The following FAM3C variants were observed in gnomAD, a reference collection of about 807,000 sequenced individuals.
FAM3C encodes FAM3 metabolism regulating signaling molecule C.
A neutral mutation model predicts 32.5 loss-of-function variants in FAM3C; 15 were observed. The observed-to-expected ratio is 0.46, with a 90% CI of 0.31 to 0.71. The LOEUF (loss-of-function observed/expected upper bound fraction) is 0.71, where lower values mean the gene tolerates loss of function less well. Among genes scored for constraint, FAM3C ranks in the 30% least tolerant of loss-of-function variants. FAM3C has a pLI of 0.05. For missense variants in FAM3C, 175 were observed against 274.4 expected (o/e 0.64, Z 2.56); for synonymous variants, 75 against 86.1 (o/e 0.87, Z 0.72).
chr7:121,364,246 G>T, intron 5 of FAM3C, 58 bp from the exon 6 acceptor site: 1 of 1,129,740 alleles, frequency 8.9e-7, no homozygotes, highest in South Asian at 1.3e-5. Flanking sequence ...TAACATATCA[G>T]AAAAATAAAG....
chr7:121,370,097 G>A (rs1584697906), intron 5 of FAM3C, among the ~76,000 whole-genome samples: 1 of 151,912 alleles, frequency 6.6e-6, no homozygotes, highest in East Asian at 1.9e-4. Flanking sequence ...AAGATAAAGA[G>A]TGGAAATGAG....
intron 3 of FAM3C, among the ~76,000 whole-genome samples, chr7:121,378,513 A>G (rs1231092641): frequency 6.6e-6 from 1 of 152,110 alleles, no homozygotes; most frequent in Non-Finnish European, 1.5e-5. Flanking sequence ...GCTGGTATCT[A>G]AAATGCATTA....
chr7:121,354,670 G>A (rs1354995456), intron 8 of FAM3C, among the ~76,000 whole-genome samples: 1 of 152,160 alleles, frequency 6.6e-6, no homozygotes. Context: ...AGAAAGTCTG[G>A]AAGAAAATCG....
At chr7:121,376,619 G>A (rs1032327114) in intron 3 of FAM3C, among the ~76,000 whole-genome samples, 1 of 152,110 alleles carries the variant, frequency 6.6e-6, no homozygotes, top group South Asian at 2.1e-4. Flanking sequence ...TTTCTTTTGA[G>A]CATCATGTCG....
chr7:121,368,384 T>C (rs1013834927), intron 5 of FAM3C, among the ~76,000 whole-genome samples: 1 of 152,192 alleles, frequency 6.6e-6, no homozygotes, highest in East Asian at 1.9e-4. Flanking sequence ...TTACATGTAC[T>C]CAGAGCAGGT....
intron 7 of FAM3C, among the ~76,000 whole-genome samples, chr7:121,360,954 T>C (rs1404778172): frequency 6.6e-6 from 1 of 152,216 alleles, no homozygotes; most frequent in Non-Finnish European, 1.5e-5. Context: ...CTGTAATTTT[T>C]AGAAAATCTA....
At chr7:121,394,602 T>C (rs1277435019) in intron 1 of FAM3C, among the ~76,000 whole-genome samples, 1 of 152,214 alleles carries the variant, frequency 6.6e-6, no homozygotes, top group Non-Finnish European at 1.5e-5. Flanking sequence ...TGGCTCCAAC[T>C]CTTCTTATTT....
At chr7:121,373,796 G>A (rs1455377225) in intron 3 of FAM3C, among the ~76,000 whole-genome samples, 1 of 151,960 alleles carries the variant, frequency 6.6e-6, no homozygotes, top group Non-Finnish European at 1.5e-5. Context: ...GCTGAGGCGG[G>A]TGGATCATGA....
At chr7:121,358,124 A>T (rs1401837354) in intron 8 of FAM3C, among the ~76,000 whole-genome samples, 3 of 152,134 alleles carry the variant, frequency 2.0e-5, no homozygotes, top group Admixed American at 6.5e-5. Flanking sequence ...TTTTATGTTA[A>T]CCTTCAATTT....
At chr7:121,374,024 A>C (rs1794196725) in intron 3 of FAM3C, among the ~76,000 whole-genome samples, 1 of 152,008 alleles carries the variant, frequency 6.6e-6, no homozygotes. Flanking sequence ...AAAAAAGAAC[A>C]TTAAGTACTT....
chr7:121,378,267 T>C (rs1473034695), intron 3 of FAM3C, among the ~76,000 whole-genome samples: 1 of 151,424 alleles, frequency 6.6e-6, no homozygotes, highest in Non-Finnish European at 1.5e-5. Context: ...ATGAGTGGGT[T>C]AGAAAAAAAA....
rs528212000 is a variant in FAM3C, at chr7:121,388,664, A to T, written c.-41-5654T>A. Among the ~76,000 whole-genome samples the T allele has an allele frequency of 1.7e-3, 253 of 152,250 alleles. 2 individuals are homozygous for T. The highest frequency in any genetic ancestry group is 6.8e-3 in the Middle Eastern group (2 of 294). On this transcript the variant is annotated intron_variant, in intron 1 of 9. Transcript: ENST00000359943. ...AAGAATACAGATGATCTATGCCTAG[A>T]TTTTTGACAGTTTTCTGAATCAACA...
intron 8 of FAM3C, among the ~76,000 whole-genome samples, chr7:121,358,110 C>T (rs182609810): frequency 1.3e-5 from 2 of 152,104 alleles, no homozygotes; most frequent in African/African-American, 2.4e-5. Context: ...CTTGAATAGG[C>T]GAGTTTTATG....
At chr7:121,355,674 T>A (rs1347838642) in intron 8 of FAM3C, among the ~76,000 whole-genome samples, 2 of 152,148 alleles carry the variant, frequency 1.3e-5, no homozygotes, top group African/African-American at 2.4e-5. Flanking sequence ...ATAACCTCTA[T>A]GAATAAAATA....
chr7:121,378,910 C>T lies in FAM3C; in HGVS notation c.118G>A (p.Ala40Thr), dbSNP rs764004885. The change falls in exon 3 of 10, where the codon GCA becomes ACA. Residue 40 changes from alanine to threonine, a missense_variant and splice_region_variant. Coordinates refer to ENST00000359943, the MANE Select transcript of FAM3C (RefSeq NM_014888.3). ...AAGAAAGGAAAAAAATAAAACTTAC[C>T]AAATAGATTTCCTAAACTTGCATCC... is the stretch of plus-strand genomic sequence containing the variant. ...KMDASLGNLF[A>T]RSALDTAARS... 17 of 1,446,030 alleles carry T rather than the reference C, an allele frequency of 1.2e-5. No homozygotes were observed. The highest frequency in any genetic ancestry group is 1.6e-5 in the Non-Finnish European group (17 of 1,055,252). 89.6% of individuals were successfully genotyped at this position (1,446,030 alleles called of 1,614,324 possible). A position where few individuals can be genotyped will look rare whatever the true frequency, so the allele number is the denominator to read the frequency against.
intron 1 of FAM3C, among the ~76,000 whole-genome samples, chr7:121,393,717 T>C (rs1460064109): frequency 6.6e-6 from 1 of 152,148 alleles, no homozygotes; most frequent in Non-Finnish European, 1.5e-5. Context: ...CTCAAAGAAT[T>C]GCATTAAAAG....
chr7:121,395,217 A>G (rs1794660401), intron 1 of FAM3C, among the ~76,000 whole-genome samples: 1 of 151,546 alleles, frequency 6.6e-6, no homozygotes, highest in South Asian at 2.1e-4. Flanking sequence ...ATACGGATAC[A>G]TACATATATA....
At chr7:121,364,231 T>A in intron 5 of FAM3C, 43 bp from the exon 6 acceptor site, 1 of 1,221,774 alleles carries the variant, frequency 8.2e-7, no homozygotes, top group Non-Finnish European at 1.2e-6. Context: ...TTAAATATTG[T>A]ACAATAACAT....
intron 1 of FAM3C, among the ~76,000 whole-genome samples, chr7:121,390,218 A>G (rs984372228): frequency 2.6e-5 from 4 of 152,210 alleles, no homozygotes; most frequent in African/African-American, 9.7e-5. Flanking sequence ...CTCATTTTGC[A>G]TCTTGCTTCC....
Sources: gnomAD v4.1 joint callset for allele counts (sites outside exome capture counted in the v4.1 genomes callset) on GRCh38, gnomAD v4.1.1 for gene constraint, MANE v1.5 for transcripts, NCBI Gene and HGNC (gene_info 2026-07-23, HGNC 2026-07-21) for gene names.